The following ARHGAP31 variants were observed in gnomAD, a reference collection of about 807,000 sequenced individuals.
ARHGAP31 encodes the protein rho GTPase-activating protein 31.
ARHGAP31 carries 34 observed loss-of-function variants against 113.9 expected under a neutral mutation model. The observed-to-expected ratio is 0.30, with a 90% CI of 0.23 to 0.40. The LOEUF (loss-of-function observed/expected upper bound fraction) is 0.40, where lower values mean the gene tolerates loss of function less well. Ranked by LOEUF, ARHGAP31 falls within the 10% of genes least tolerant of loss-of-function variation. The pLI, the probability that ARHGAP31 is intolerant of heterozygous loss-of-function variation, is 1.00. For missense variants in ARHGAP31, 1,548 were observed against 1,767.1 expected, an observed-to-expected ratio of 0.88 and a Z score of 2.22; for synonymous variants, 650 against 684.8, an observed-to-expected ratio of 0.95 and a Z score of 0.79.
chr3:119,308,039 C>G (rs755837569), intron 1 of ARHGAP31, among the ~76,000 whole-genome samples: 1 of 149,664 alleles, frequency 6.7e-6, no homozygotes, highest in East Asian at 2.0e-4. Flanking sequence ...ACTGGAGTCA[C>G]GCACGCAGCG....
chr3:119,404,475 G>A (rs2080643398), intron 10 of ARHGAP31, among the ~76,000 whole-genome samples: 1 of 152,160 alleles, frequency 6.6e-6, no homozygotes, highest in Non-Finnish European at 1.5e-5. Context: ...GGGGCAACAG[G>A]TCCCCTCACC....
At position 119,393,490 on chromosome 3, in the gene ARHGAP31, A is replaced by G; in HGVS notation, c.905A>G (p.Lys302Arg). 1 of 1,614,192 alleles carries G rather than the reference A, an allele frequency of 6.2e-7. No individual in the cohort carries two copies. The highest frequency in any genetic ancestry group is 1.1e-5 in the South Asian group (1 of 91,082). Residue 302 changes from lysine to arginine, a missense_variant, in exon 8 of 12, where the codon AAG becomes AGG. Coordinates refer to ENST00000264245, the MANE Select transcript of ARHGAP31 (RefSeq NM_020754.4). Reference protein sequence around the residue: ...DNKRKLSSKSKKWKSIFNLGR... With the variant: ...DNKRKLSSKSRKWKSIFNLGR... ...AGGCGAAAGCTCTCCAGTAAATCAA[A>G]GAAGTGGAAATCAATATTTAACCTG...
intron 9 of ARHGAP31, among the ~76,000 whole-genome samples, chr3:119,400,046 T>C (rs1421805345): frequency 2.0e-5 from 3 of 152,258 alleles, no homozygotes. Flanking sequence ...CCCATGACTT[T>C]CCAGCCCCTT....
intron 10 of ARHGAP31, among the ~76,000 whole-genome samples, chr3:119,404,037 G>A (rs573189455): frequency 3.5e-4 from 53 of 152,286 alleles, no homozygotes; most frequent in South Asian, 1.5e-3. Flanking sequence ...GGATGGGTAC[G>A]CAGATGAGCA....
At position 119,383,238 on chromosome 3, in the gene ARHGAP31, T is replaced by C. The variant is rs2080418860; in HGVS notation, c.682+12T>C. 1 of 1,614,046 alleles carries C rather than the reference T, an allele frequency of 6.2e-7. No homozygotes were observed. Among genetic ancestry groups the C allele is most frequent in the African/African-American group, 1.3e-5 (1 of 75,048 alleles). The stretch of plus-strand genomic sequence containing the variant: ...TCTGGAGAATGATGGTAAGGACTCC[T>C]CCTAGCATACACTCCACCAGCTTAT... On this transcript the variant is annotated intron_variant, in intron 6 of 11. Transcript: ENST00000264245.
At position 119,414,643 on chromosome 3, in the gene ARHGAP31, T is replaced by C. The variant is rs755794304; in HGVS notation, c.2714T>C (p.Val905Ala). The change falls in exon 12 of 12, where the codon GTG becomes GCG. Residue 905 changes from valine to alanine, a missense_variant. Transcript: ENST00000264245. The stretch of plus-strand genomic sequence containing the variant: ...ATTGCCCAGCATGGCCTGGAGATGG[T>C]GGAGCCCTGGGAGGAACCCCAGTGG... Reference protein sequence around the residue: ...TDIAQHGLEMVEPWEEPQWVT... With the variant: ...TDIAQHGLEMAEPWEEPQWVT... 1.9e-6 allele frequency: 3 copies of C among 1,614,132 alleles called. No individual in the cohort carries two copies. Among genetic ancestry groups the C allele is most frequent in the South Asian group, 2.2e-5 (2 of 91,084 alleles).
At chr3:119,323,949 G>T (rs1490318881) in intron 1 of ARHGAP31, among the ~76,000 whole-genome samples, 4 of 152,098 alleles carry the variant, frequency 2.6e-5, no homozygotes, top group African/African-American at 9.7e-5. Flanking sequence ...GGAATAAGAA[G>T]GTGGGCCCCC....
chr3:119,411,522 G>A (rs1436786745), intron 11 of ARHGAP31, among the ~76,000 whole-genome samples: 1 of 152,190 alleles, frequency 6.6e-6, no homozygotes, highest in African/African-American at 2.4e-5. Context: ...CACTTACTGA[G>A]AGGGCAGAGT....
chr3:119,322,775 T>G (rs2079802834), intron 1 of ARHGAP31: 1 of 153,346 alleles, frequency 6.5e-6, no homozygotes, highest in Non-Finnish European at 1.4e-5. Context: ...GCTCTGGGCC[T>G]GCTCCTCCTC....
At chr3:119,394,943 A>C (rs541827989) in intron 8 of ARHGAP31, among the ~76,000 whole-genome samples, 6 of 152,344 alleles carry the variant, frequency 3.9e-5, no homozygotes, top group Non-Finnish European at 5.9e-5. Flanking sequence ...TAAAGTATTC[A>C]AGGATGAAGC....
At position 119,414,439 on chromosome 3, in the gene ARHGAP31, A is replaced by G; in HGVS notation, c.2510A>G (p.Glu837Gly). 1 of 1,614,238 alleles carries G rather than the reference A, an allele frequency of 6.2e-7. No homozygotes were observed. The highest frequency in any genetic ancestry group is 1.1e-5 in the South Asian group (1 of 91,088). Reference protein sequence around the residue: ...SPEISSLCQGEEATPRHSDKQ... With the variant: ...SPEISSLCQGGEATPRHSDKQ... ...GAGATCTCTAGCCTCTGTCAGGGAG[A>G]GGAGGCAACCCCAAGACACAGTGAC... The change falls in exon 12 of 12, where the codon GAG (glutamate) becomes GGG (glycine). Residue 837 changes from glutamate to glycine, a missense_variant. Physicochemically the swap from Glu to Gly is moderately conservative, Grantham distance 98. Transcript: ENST00000264245.
intron 1 of ARHGAP31, chr3:119,322,813 G>C (rs2079803773): frequency 6.5e-6 from 1 of 153,176 alleles, no homozygotes; most frequent in Non-Finnish European, 1.4e-5. Flanking sequence ...CACCAGGTCA[G>C]ACCCTACAGG....
At chr3:119,405,757 G>A (rs934890497) in intron 10 of ARHGAP31, among the ~76,000 whole-genome samples, 1 of 152,176 alleles carries the variant, frequency 6.6e-6, no homozygotes, top group East Asian at 1.9e-4. Context: ...ACGTGACAAT[G>A]CCCTTCCCTT....
chr3:119,359,033 A>G lies in ARHGAP31; in HGVS notation c.101-6283A>G, dbSNP rs1452811474. Among the ~76,000 whole-genome samples, 3 of 143,568 alleles carry G rather than the reference A, an allele frequency of 2.1e-5. No individual in the cohort carries two copies. In the South Asian group the frequency reaches 6.6e-4, roughly 32 times the overall value. The allele number at this position is 143,568 out of a possible 152,430, so 94.2% of individuals were successfully genotyped here. A position where few individuals can be genotyped will look rare whatever the true frequency, so the allele number is the denominator to read the frequency against. On this transcript the variant is annotated intron_variant, in intron 1 of 11. Transcript: ENST00000264245. Reference sequence around the variant, plus strand: ...TGTTTTTAACTTTTTTTTTTTTTTGAGACAGAGTCTCACTCACTCTGTCAC... The same window carrying G: ...TGTTTTTAACTTTTTTTTTTTTTTGGGACAGAGTCTCACTCACTCTGTCAC...
intron 3 of ARHGAP31, among the ~76,000 whole-genome samples, chr3:119,368,838 C>T (rs2080271924): frequency 6.6e-6 from 1 of 152,206 alleles, no homozygotes; most frequent in Non-Finnish European, 1.5e-5. Context: ...CAAGGTCACA[C>T]AGCAGAGGCA....
intron 1 of ARHGAP31, among the ~76,000 whole-genome samples, chr3:119,337,383 A>G (rs1359136663): frequency 1.3e-5 from 2 of 152,204 alleles, no homozygotes; most frequent in African/African-American, 4.8e-5. Flanking sequence ...TGACTTCAGG[A>G]GTGAAGCTGC....
chr3:119,391,935 A>G (rs1462788424), intron 7 of ARHGAP31, among the ~76,000 whole-genome samples: 1 of 152,100 alleles, frequency 6.6e-6, no homozygotes, highest in Non-Finnish European at 1.5e-5. Context: ...TCCCTGGAGA[A>G]TAAGTCTCAT....
intron 6 of ARHGAP31, among the ~76,000 whole-genome samples, chr3:119,386,583 G>T (rs1464281408): frequency 6.6e-6 from 1 of 152,230 alleles, no homozygotes; most frequent in Non-Finnish European, 1.5e-5. Context: ...CTCCCTGTGT[G>T]CGGCGACGAG....
chr3:119,358,313 C>A (rs2080176584), intron 1 of ARHGAP31, among the ~76,000 whole-genome samples: 1 of 152,180 alleles, frequency 6.6e-6, no homozygotes, highest in African/African-American at 2.4e-5. Flanking sequence ...TACCACTTCA[C>A]AACTACTAGG....
Sources: gnomAD v4.1 joint callset for allele counts (sites outside exome capture counted in the v4.1 genomes callset) on GRCh38, gnomAD v4.1.1 for gene constraint, MANE v1.5 for transcripts, NCBI Gene and HGNC (gene_info 2026-07-23, HGNC 2026-07-21) for gene names.